INPP1: variants seen among roughly 807,000 people sequenced by gnomAD.
INPP1 encodes inositol polyphosphate-1-phosphatase.
In INPP1, 18 loss-of-function variants were observed where a neutral mutation model predicts 23.0. The ratio of observed to expected loss-of-function variants is 0.78; its 90% CI spans 0.54 to 1.16. The LOEUF is 1.16. Ranked by LOEUF, INPP1 falls within the 50% of genes most tolerant of loss-of-function variation. The pLI is 0.00. For synonymous variants in INPP1, 164 were observed against 176.3 expected, an observed-to-expected ratio of 0.93 and a Z score of 0.55; for missense variants, 448 against 482.1, an observed-to-expected ratio of 0.93 and a Z score of 0.66.
rs114901970 is a variant in INPP1, at chr2:190,355,971, T to C, written c.-64-4068T>C. On this transcript the variant is annotated intron_variant, in intron 2 of 6. Transcript: ENST00000392329. The surrounding 1 kb of genome is among the most constrained non-coding windows in gnomAD (Gnocchi z 5.1). The stretch of plus-strand genomic sequence containing the variant: ...AATTAAAAAATCATCTGAAAGATAA[T>C]TTCCATGAGTTTTAATAAATGTATT... 6.3e-3 allele frequency among the ~76,000 whole-genome samples: 784 copies of C among 123,790 alleles called. 9 individuals are homozygous for C. The highest frequency in any genetic ancestry group is 0.057 in the South Asian group (258 of 4,530). 81.2% of individuals were successfully genotyped at this position (123,790 alleles called of 152,430 possible).
In INPP1 at chr2:190,346,938, C is replaced by T. The variant is rs962563671; in HGVS notation, c.-208-1950C>T. Reference sequence around the variant, plus strand: ...TTCATATTATAGATTTATTTGTTACCTCTTCCATGTGCCTGATTAAATAAT... The same window carrying T: ...TTCATATTATAGATTTATTTGTTACTTCTTCCATGTGCCTGATTAAATAAT... On this transcript the variant is annotated intron_variant, in intron 1 of 6. Coordinates refer to ENST00000392329, the MANE Select transcript of INPP1 (RefSeq NM_001128928.2). The surrounding 1 kb of genome is among the most constrained non-coding windows in gnomAD (Gnocchi z 5.1). Among the ~76,000 whole-genome samples the T allele has an allele frequency of 2.6e-5, 4 of 151,512 alleles. No homozygotes were observed. The highest frequency in any genetic ancestry group is 4.4e-5 in the Non-Finnish European group (3 of 67,942).
chr2:190,348,654 G>A (rs1245600439), intron 1 of INPP1, among the ~76,000 whole-genome samples: 1 of 152,166 alleles, frequency 6.6e-6, no homozygotes, highest in Non-Finnish European at 1.5e-5. Context: ...GTCTTTTTCA[G>A]TCTGGCTTAT....
At chr2:190,347,298 A>G (rs2124911868) in intron 1 of INPP1, among the ~76,000 whole-genome samples, 1 of 152,190 alleles carries the variant, frequency 6.6e-6, no homozygotes, top group South Asian at 2.1e-4. Flanking sequence ...GGCGTGAGCC[A>G]CCACACCTGG....
chr2:190,371,283 G>C lies in INPP1; in HGVS notation c.1081G>C (p.Ala361Pro), dbSNP rs1405204030. 2 of 1,611,274 alleles carry C rather than the reference G, an allele frequency of 1.2e-6. No homozygotes were observed. The highest frequency in any genetic ancestry group is 1.7e-6 in the Non-Finnish European group (2 of 1,178,170). Residue 361 changes from alanine to proline, a missense_variant, in exon 7 of 7, where the codon GCT becomes CCT. Ala to Pro is a conservative substitution (Grantham distance 27, BLOSUM62 -1). Coordinates refer to ENST00000392329, the MANE Select transcript of INPP1 (RefSeq NM_001128928.2). The surrounding 1 kb of genome is among the most constrained non-coding windows in gnomAD (Gnocchi z 5.3). ...LVYHVENEGA[A>P]GVDRWANKGG... ...GTACCACGTGGAAAATGAGGGTGCT[G>C]CTGGGGTGGATCGGTGGGCCAACAA...
intron 2 of INPP1, among the ~76,000 whole-genome samples, chr2:190,353,929 A>G (rs752606566): frequency 1.3e-5 from 2 of 152,220 alleles, no homozygotes; most frequent in Admixed American, 1.3e-4. Flanking sequence ...TCCTTCTGAC[A>G]TACTTCAATT....
rs747306209 is a variant in INPP1 at position 190,343,927 on chromosome 2, T to G, written c.-243T>G. On this transcript the variant is annotated 5_prime_UTR_variant, in exon 1 of 7. Transcript: ENST00000392329. ...CGCTTCCGTTTCTCGAGGGAAAGGC[T>G]GCTGCCTCCTGCTCTGTCCTCATCC... is the stretch of plus-strand genomic sequence containing the variant. The G allele has an allele frequency of 1.1e-5, 2 of 185,394 alleles. No individual in the cohort carries two copies. Among genetic ancestry groups the G allele is most frequent in the Admixed American group, 1.3e-4 (2 of 15,488 alleles). The allele number at this position is 185,394 out of a possible 1,614,324, so 11.5% of individuals were successfully genotyped here.
At chr2:190,369,476 T>C (rs1026173980) in intron 6 of INPP1, among the ~76,000 whole-genome samples, 199 bp downstream of exon 6, 3 of 152,238 alleles carry the variant, frequency 2.0e-5, no homozygotes, top group Non-Finnish European at 4.4e-5. Flanking sequence ...AAGTGCATGC[T>C]GGTAGAAATT....
rs1217969572 is a variant in INPP1 at position 190,345,756 on chromosome 2, G to A, written c.-209+1795G>A. Among the ~76,000 whole-genome samples, 1 of 152,224 alleles carries A rather than the reference G, an allele frequency of 6.6e-6. No homozygotes were observed. The highest frequency in any genetic ancestry group is 2.4e-5 in the African/African-American group (1 of 41,450). On this transcript the variant is annotated intron_variant, in intron 1 of 6. Coordinates refer to ENST00000392329, the MANE Select transcript of INPP1 (RefSeq NM_001128928.2). The surrounding 1 kb of genome is among the most constrained non-coding windows in gnomAD (Gnocchi z 4.9). ...CGCCTGTTATCCCTGCACTTTGGGAGGCCAAGGCAGGTGGATCACTTGAGG... is the reference window on the plus strand; with the variant it reads ...CGCCTGTTATCCCTGCACTTTGGGAAGCCAAGGCAGGTGGATCACTTGAGG...
chr2:190,349,778 T>A (rs970452088), intron 2 of INPP1, among the ~76,000 whole-genome samples: 16 of 152,180 alleles, frequency 1.1e-4, no homozygotes, highest in African/African-American at 3.9e-4. Context: ...TTCTCTTTAG[T>A]GAAAATATTT....
intron 2 of INPP1, chr2:190,359,556 C>CAA (rs756661265): frequency 1.8e-4 from 11 of 61,310 alleles, no homozygotes; most frequent in Admixed American, 3.0e-4. Flanking sequence ...GACTCCGTCT[C>CAA]AAAAAAAAAA....
At chr2:190,364,467 G>A (rs1689599383) in intron 4 of INPP1, among the ~76,000 whole-genome samples, 1 of 151,096 alleles carries the variant, frequency 6.6e-6, no homozygotes, top group Non-Finnish European at 1.5e-5. Flanking sequence ...GCGTGAACCC[G>A]GGAGGCGGAG....
rs537492469 is a variant in INPP1, at chr2:190,348,884, C to A, written c.-208-4C>A. ...TTTTATGTTTACAAAATGGGGAAAACAAGTCCTTCAGAGCTTACATCATGT... is the reference window on the plus strand; with the variant it reads ...TTTTATGTTTACAAAATGGGGAAAAAAAGTCCTTCAGAGCTTACATCATGT... On this transcript the variant is annotated splice_region_variant and splice_polypyrimidine_tract_variant and intron_variant, in intron 1 of 6. Coordinates refer to ENST00000392329, the MANE Select transcript of INPP1 (RefSeq NM_001128928.2). The A allele has an allele frequency of 1.3e-5, 2 of 152,284 alleles. No individual in the cohort carries two copies. Among genetic ancestry groups the A allele is most frequent in the Admixed American group, 1.3e-4 (2 of 15,304 alleles). The allele number at this position is 152,284 out of a possible 1,614,324, so 9.4% of individuals were successfully genotyped here.
chr2:190,358,877 C>T (rs1435094090), intron 2 of INPP1, among the ~76,000 whole-genome samples: 1 of 152,136 alleles, frequency 6.6e-6, no homozygotes, highest in Non-Finnish European at 1.5e-5. Flanking sequence ...ATTATTCAAC[C>T]GTTTACTGGG....
chr2:190,345,959 A>T lies in INPP1; in HGVS notation c.-209+1998A>T. On this transcript the variant is annotated intron_variant, in intron 1 of 6. Transcript: ENST00000392329. The surrounding 1 kb of genome is among the most constrained non-coding windows in gnomAD (Gnocchi z 4.9). ...CAGTGAGCCCAGATCGCGCCACTGC[A>T]CTCCAGCCTGGGCGACAAAGCAAGA... Among the ~76,000 whole-genome samples the T allele has an allele frequency of 6.6e-6, 1 of 152,186 alleles. No individual in the cohort carries two copies. The highest frequency in any genetic ancestry group is 1.5e-5 in the Non-Finnish European group (1 of 68,034).
chr2:190,370,089 A>G (rs1689771293), intron 6 of INPP1, among the ~76,000 whole-genome samples: 1 of 152,232 alleles, frequency 6.6e-6, no homozygotes, highest in South Asian at 2.1e-4. Context: ...AAAGGTTAAT[A>G]AGAAATTAAA....
At chr2:190,357,224 A>G (rs1689436085) in intron 2 of INPP1, among the ~76,000 whole-genome samples, 1 of 152,212 alleles carries the variant, frequency 6.6e-6, no homozygotes, top group Admixed American at 6.5e-5. Context: ...TTATTTAGAC[A>G]TTTGCCTCGA....
chr2:190,348,027 AC>A (rs1689253940), intron 1 of INPP1, among the ~76,000 whole-genome samples: 1 of 152,220 alleles, frequency 6.6e-6, no homozygotes, highest in Non-Finnish European at 1.5e-5. Flanking sequence ...AATCCCAGCT[AC>A]TAGGGGGGCT....
chr2:190,345,095 G>C lies in INPP1; in HGVS notation c.-209+1134G>C, dbSNP rs1025241426. The stretch of plus-strand genomic sequence containing the variant: ...TGGAAGAATTCATTTTTTCAATACA[G>C]ATATTTGTTTCCATTCTTATGTAGA... On this transcript the variant is annotated intron_variant, in intron 1 of 6. Transcript: ENST00000392329. The surrounding 1 kb of genome is among the most constrained non-coding windows in gnomAD (Gnocchi z 4.9). Among the ~76,000 whole-genome samples, 1 of 152,186 alleles carries C rather than the reference G, an allele frequency of 6.6e-6. No individual in the cohort carries two copies. The highest frequency in any genetic ancestry group is 2.1e-4 in the South Asian group (1 of 4,832).
intron 2 of INPP1, among the ~76,000 whole-genome samples, chr2:190,353,672 T>C (rs1420912820): frequency 6.6e-6 from 1 of 152,134 alleles, no homozygotes; most frequent in African/African-American, 2.4e-5. Flanking sequence ...AAAGAGAGAG[T>C]CTCAGAGAGG....
Sources: allele counts gnomAD v4.1 joint callset (sites outside exome capture counted in the v4.1 genomes callset), GRCh38; gene constraint gnomAD v4.1.1; non-coding constraint Gnocchi (gnomAD v3.1); transcripts MANE v1.5; gene names NCBI Gene and HGNC (gene_info 2026-07-23, HGNC 2026-07-21).